The following USP35 variants were observed in gnomAD, a reference collection of about 807,000 sequenced individuals.
USP35 encodes ubiquitin carboxyl-terminal hydrolase 35.
Under a neutral mutation model 83.8 loss-of-function variants are expected in USP35, and 69 were observed. The ratio of observed to expected loss-of-function variants is 0.82; its 90% CI spans 0.68 to 1.01. USP35 has a LOEUF of 1.01. Among genes scored for constraint, USP35 ranks in the 50% least tolerant of loss-of-function variants. The pLI, the probability that USP35 is intolerant of heterozygous loss-of-function variation, is 0.00. For missense variants in USP35, 1,503 were observed against 1,362.5 expected (o/e 1.10, Z -1.62); for synonymous variants, 714 against 589.5 (o/e 1.21, Z -3.06).
chr11:78,213,587 T>G, intron 10 of USP35, 59 bp from the exon 11 acceptor site: 3 of 1,430,102 alleles, frequency 2.1e-6, no homozygotes, highest in Non-Finnish European at 9.1e-7. Context: ...CTGGGTAGAC[T>G]CACTCTGGCT....
At position 78,213,733 on chromosome 11, in the gene USP35, AAGGATG is replaced by A. The variant is rs755504100; in HGVS notation, c.2985_2990del (p.Asp996_Glu997del). 14 of 1,538,002 alleles carry A rather than the reference AAGGATG, an allele frequency of 9.1e-6. No homozygotes were observed. The highest frequency in any genetic ancestry group is 1.4e-5 in the African/African-American group (1 of 69,520). Reference sequence around the variant, plus strand: ...CTGGGGGAGGGGCTTTGATGAAGACAAGGATGAGGATGAAGGCTCTCCAGGGGGCTG... The same window carrying A: ...CTGGGGGAGGGGCTTTGATGAAGACAAGGATGAAGGCTCTCCAGGGGGCTG... On this transcript the variant is annotated inframe_deletion, in exon 11 of 11. Transcript: ENST00000529308.
intron 7 of USP35, chr11:78,207,296 T>TA: frequency 2.0e-6 from 1 of 512,564 alleles, no homozygotes; most frequent in Non-Finnish European, 3.5e-6. Context: ...AAGGGTCACC[T>TA]TTGTACCCTT....
chr11:78,207,475 A>C, intron 7 of USP35, 55 bp from the exon 8 acceptor site: 972 of 1,530,588 alleles, frequency 6.4e-4, no homozygotes, highest in Non-Finnish European at 8.0e-4. Flanking sequence ...ATGGGTGACT[A>C]GAGACTCCTT....
chr11:78,234,974 C>T, the USP35 span, among the ~76,000 whole-genome samples: 1 of 151,988 alleles, frequency 6.6e-6, no homozygotes, highest in Non-Finnish European at 1.5e-5. Context: ...CATGCCACTG[C>T]ATTCCAGCCC....
chr11:78,192,466 G>A (rs192778825), intron 1 of USP35, among the ~76,000 whole-genome samples: 3 of 152,330 alleles, frequency 2.0e-5, no homozygotes, highest in East Asian at 1.9e-4. Flanking sequence ...TGGCCTGATG[G>A]GGCCAGGTGA....
rs1317086782 is a variant in USP35 at position 78,214,108 on chromosome 11, T to TGCGGGAAGATCTGA, written c.*296_*309dup. On this transcript the variant is annotated 3_prime_UTR_variant, in exon 11 of 11. Transcript: ENST00000529308. ...CCCTCCTTCCCTAGCAGGCTCCCCA[T>TGCGGGAAGATCTGA]GCGGGAAGATCTGATGATGTTCAGG... is the stretch of plus-strand genomic sequence containing the variant. 3.2e-6 allele frequency: 1 copy of TGCGGGAAGATCTGA among 314,842 alleles called. No individual in the cohort carries two copies. Among genetic ancestry groups the TGCGGGAAGATCTGA allele is most frequent in the African/African-American group, 2.2e-5 (1 of 45,784 alleles). The allele number at this position is 314,842 out of a possible 1,614,324, so 19.5% of individuals were successfully genotyped here. A position where few individuals can be genotyped will look rare whatever the true frequency, so the allele number is the denominator to read the frequency against.
chr11:78,195,775 G>C (rs1784778917), intron 1 of USP35, among the ~76,000 whole-genome samples: 1 of 152,196 alleles, frequency 6.6e-6, no homozygotes, highest in South Asian at 2.1e-4. Flanking sequence ...CTTTTGCTCA[G>C]GCTGGAGTGC....
At chr11:78,206,681 A>G (rs150427645) in intron 7 of USP35, among the ~76,000 whole-genome samples, 6 of 152,322 alleles carry the variant, frequency 3.9e-5, no homozygotes, top group African/African-American at 1.4e-4. Context: ...TACTTTTGTA[A>G]AATATAACAA....
rs569020511 is a variant in USP35, at chr11:78,192,231, A to G, written c.-11+3074A>G. On this transcript the variant is annotated intron_variant, in intron 1 of 10. Transcript: ENST00000529308. Reference sequence around the variant, plus strand: ...AACACAGGCTCTCCTCGGGGAGGACATGGCTGCTGTTTGCTGCTGCGGTTG... The same window carrying G: ...AACACAGGCTCTCCTCGGGGAGGACGTGGCTGCTGTTTGCTGCTGCGGTTG... 3.9e-4 allele frequency among the ~76,000 whole-genome samples: 59 copies of G among 152,310 alleles called. No individual in the cohort carries two copies. The South Asian group carries it at 0.012, about 31-fold the overall frequency.
At chr11:78,228,624 G>A in the USP35 span, among the ~76,000 whole-genome samples, 30 of 152,314 alleles carry the variant, frequency 2.0e-4, no homozygotes, top group South Asian at 1.7e-3. Context: ...GGTGTGTAAA[G>A]CCAGGCTTCC....
At chr11:78,225,515 C>T in the USP35 span, among the ~76,000 whole-genome samples, 1 of 152,220 alleles carries the variant, frequency 6.6e-6, no homozygotes, top group Non-Finnish European at 1.5e-5. Context: ...CTTCTCTGAA[C>T]ACCACAGTAA....
In USP35 at chr11:78,210,080, C is replaced by G. The variant is rs772857383; in HGVS notation, c.2225C>G (p.Pro742Arg). 1.2e-6 allele frequency: 2 copies of G among 1,613,886 alleles called. No individual in the cohort carries two copies. Among genetic ancestry groups the G allele is most frequent in the East Asian group, 2.2e-5 (1 of 44,890 alleles). ...EEDSLGAGTH[P>R]DAAIPSGERT... Reference sequence around the variant, plus strand: ...GACAGCCTGGGAGCGGGGACCCACCCGGATGCTGCCATCCCCTCCGGGGAG... The same window carrying G: ...GACAGCCTGGGAGCGGGGACCCACCGGGATGCTGCCATCCCCTCCGGGGAG... The change falls in exon 10 of 11, where the codon CCG (proline) becomes CGG (arginine). Residue 742 changes from proline (P) to arginine (R), a missense_variant. Physicochemically the swap from Pro to Arg is moderately radical, Grantham distance 103. Coordinates refer to ENST00000529308, the MANE Select transcript of USP35 (RefSeq NM_020798.4).
chr11:78,213,595 G>T, intron 10 of USP35, 51 bp from the exon 11 acceptor site: 1 of 1,435,330 alleles, frequency 7.0e-7, no homozygotes, highest in Non-Finnish European at 9.1e-7. Flanking sequence ...ACTCACTCTG[G>T]CTTCAGGGTG....
chr11:78,195,897 ATGTTTG>A (rs1863127280), intron 1 of USP35, among the ~76,000 whole-genome samples: 1 of 151,808 alleles, frequency 6.6e-6, no homozygotes, highest in South Asian at 2.1e-4. Flanking sequence ...CTCCTGGGTA[ATGTTTG>A]TGTTTTTTGT....
chr11:78,190,504 G>A (rs1862972266), intron 1 of USP35, among the ~76,000 whole-genome samples: 1 of 152,198 alleles, frequency 6.6e-6, no homozygotes, highest in Non-Finnish European at 1.5e-5. Context: ...GCTGTCACAT[G>A]TCTCTCATGA....
downstream of USP35, chr11:78,218,783 G>C (rs567898077): frequency 1.3e-5 from 2 of 154,332 alleles, no homozygotes; most frequent in South Asian, 2.0e-4. Flanking sequence ...GAATGAAAAA[G>C]TCCATTATCC....
chr11:78,199,541 C>T (rs1441676635), intron 3 of USP35, 54 bp from the exon 4 acceptor site: 2 of 1,611,672 alleles, frequency 1.2e-6, no homozygotes, highest in Admixed American at 3.3e-5. Flanking sequence ...GCTGCCCTCA[C>T]CCCAGCATTT....
Position 78,196,124 on chromosome 11 carries a change from A to G in USP35, c.-10-112A>G. On this transcript the variant is annotated intron_variant, in intron 1 of 10. Transcript: ENST00000529308. This position sits in a 1 kb window ranked among gnomAD's most constrained non-coding sequence, Gnocchi z 4.8. ...CCCCATTTCACAGATGAGAAAACTGAGGCCCAGAAAGTTTGAGTTGCTTGC... is the reference window on the plus strand; with the variant it reads ...CCCCATTTCACAGATGAGAAAACTGGGGCCCAGAAAGTTTGAGTTGCTTGC... 2 of 1,424,588 alleles carry G rather than the reference A, an allele frequency of 1.4e-6. No homozygotes were observed. Among genetic ancestry groups the G allele is most frequent in the Non-Finnish European group, 9.1e-7 (1 of 1,094,694 alleles). The allele number at this position is 1,424,588 out of a possible 1,614,324, so 88.2% of individuals were successfully genotyped here.
At position 78,210,505 on chromosome 11, in the gene USP35, C is replaced by G. The variant is rs777287394; in HGVS notation, c.2650C>G (p.Pro884Ala). Residue 884 changes from proline (P) to alanine (A), a missense_variant, in exon 10 of 11, where the codon CCA becomes GCA. Physicochemically the swap from Pro to Ala is conservative, Grantham distance 27. Coordinates refer to ENST00000529308, the MANE Select transcript of USP35 (RefSeq NM_020798.4). The part of the protein sequence containing the change: ...PAASLGTADR[P>A]EPENQWYLFN... The stretch of plus-strand genomic sequence containing the variant: ...CGCTTCTCTGGGAACTGCCGATAGG[C>G]CAGAGCCCGAGAACCAGTGGTACCT... 9 of 1,614,086 alleles carry G rather than the reference C, an allele frequency of 5.6e-6. No homozygotes were observed. The Admixed American group carries it at 6.7e-5, about 12-fold the overall frequency.
Sources: gnomAD v4.1 joint callset for allele counts (sites outside exome capture counted in the v4.1 genomes callset) on GRCh38, gnomAD v4.1.1 for gene constraint, Gnocchi (gnomAD v3.1) non-coding constraint, MANE v1.5 for transcripts, NCBI Gene and HGNC (gene_info 2026-07-23, HGNC 2026-07-21) for gene names.